RNF13: variants seen among roughly 807,000 people sequenced by gnomAD.
RNF13 encodes ring finger protein 13, also known as E3 ubiquitin-protein ligase RNF13.
Under a neutral mutation model 37.7 loss-of-function variants are expected in RNF13, and 19 were observed. That is an observed-to-expected ratio of 0.50 (90% CI 0.35 to 0.74). The LOEUF (loss-of-function observed/expected upper bound fraction) is 0.74, where lower values mean the gene tolerates loss of function less well. RNF13 is among the 30% of genes least tolerant of loss of function. RNF13 has a pLI of 0.01. For synonymous variants in RNF13, 144 were observed against 157.8 expected (o/e 0.91, Z 0.65); for missense variants, 375 against 453.0 (o/e 0.83, Z 1.56).
Position 149,846,153 on chromosome 3 carries a change from A to C in RNF13, c.114+13A>C, listed in dbSNP as rs753408862. On this transcript the variant is annotated intron_variant, in intron 2 of 9. Coordinates refer to ENST00000392894, the MANE Select transcript of RNF13 (RefSeq NM_183381.3). ...AGACATTTTAGCAGTAAGTACAGTA[A>C]AATTTATTCATGTCTAGAAACATCC... 2.7e-6 allele frequency: 4 copies of C among 1,498,656 alleles called. No individual in the cohort carries two copies. Among genetic ancestry groups the C allele is most frequent in the South Asian group, 1.1e-5 (1 of 87,394 alleles). The allele number at this position is 1,498,656 out of a possible 1,614,324, so 92.8% of individuals were successfully genotyped here. A position where few individuals can be genotyped will look rare whatever the true frequency, so the allele number is the denominator to read the frequency against.
chr3:149,954,359 A>G (rs1053363975), intron 8 of RNF13, among the ~76,000 whole-genome samples: 1 of 152,164 alleles, frequency 6.6e-6, no homozygotes, highest in African/African-American at 2.4e-5. Flanking sequence ...CTTAGAATGT[A>G]GTGAAAATGT....
At chr3:149,919,323 G>A (rs1001036079) in intron 7 of RNF13, among the ~76,000 whole-genome samples, 4 of 152,056 alleles carry the variant, frequency 2.6e-5, no homozygotes, top group African/African-American at 9.7e-5. Context: ...CCACAATCAA[G>A]ATAATGAAAT....
intron 6 of RNF13, among the ~76,000 whole-genome samples, chr3:149,910,396 G>GTA (rs1329044703): frequency 6.6e-6 from 1 of 152,160 alleles, no homozygotes; most frequent in Non-Finnish European, 1.5e-5. Context: ...AAAGCTACTT[G>GTA]TATTCTAGCA....
At chr3:149,847,848 T>TA (rs1257426795) in intron 2 of RNF13, among the ~76,000 whole-genome samples, 1 of 152,218 alleles carries the variant, frequency 6.6e-6, no homozygotes, top group Admixed American at 6.5e-5. Context: ...TTGTTTTTAA[T>TA]ACTTTTTGCC....
intron 8 of RNF13, among the ~76,000 whole-genome samples, chr3:149,927,181 C>T (rs1295286723): frequency 1.3e-5 from 2 of 152,202 alleles, no homozygotes; most frequent in African/African-American, 4.8e-5. Context: ...ATCCACCATT[C>T]TACTTACTGT....
intron 8 of RNF13, among the ~76,000 whole-genome samples, chr3:149,933,446 G>A (rs561922056): frequency 6.6e-6 from 1 of 152,072 alleles, no homozygotes; most frequent in Non-Finnish European, 1.5e-5. Context: ...AGTAGCTATT[G>A]TAAATGAGAT....
intron 1 of RNF13, among the ~76,000 whole-genome samples, chr3:149,837,291 G>A (rs1425724975): frequency 2.6e-5 from 4 of 152,120 alleles, no homozygotes; most frequent in African/African-American, 9.7e-5. Context: ...GAATCTCAAT[G>A]TAATCTTCAC....
At chr3:149,866,100 C>G (rs1724794492) in intron 3 of RNF13, among the ~76,000 whole-genome samples, 1 of 151,428 alleles carries the variant, frequency 6.6e-6, no homozygotes, top group Admixed American at 6.6e-5. Context: ...TATAAACTGT[C>G]ATGGCACTGG....
chr3:149,939,661 G>A lies in RNF13; in HGVS notation c.700+18434G>A, dbSNP rs1157588514. ...CTTTGCTCCAGTCCCTGAAATCACCGTTCTTAAAGATAACTGGTGCTCATT... is the reference window on the plus strand; with the variant it reads ...CTTTGCTCCAGTCCCTGAAATCACCATTCTTAAAGATAACTGGTGCTCATT... On this transcript the variant is annotated intron_variant, in intron 8 of 9. Coordinates refer to ENST00000392894, the MANE Select transcript of RNF13 (RefSeq NM_183381.3). 19 of 722,652 alleles carry A rather than the reference G, an allele frequency of 2.6e-5. 1 individual carries two copies. The highest frequency in any genetic ancestry group is 1.8e-4 in the Admixed American group (10 of 54,834). The allele number at this position is 722,652 out of a possible 1,614,324, so 44.8% of individuals were successfully genotyped here. A position where few individuals can be genotyped will look rare whatever the true frequency, so the allele number is the denominator to read the frequency against.
intron 1 of RNF13, among the ~76,000 whole-genome samples, chr3:149,833,452 C>A (rs557950725): frequency 6.6e-6 from 1 of 152,276 alleles, no homozygotes; most frequent in East Asian, 1.9e-4. Context: ...TCTTGGAATG[C>A]AAGGATGGTT....
intron 8 of RNF13, among the ~76,000 whole-genome samples, chr3:149,954,765 A>G (rs547945501): frequency 4.6e-5 from 7 of 152,314 alleles, no homozygotes; most frequent in African/African-American, 1.7e-4. Context: ...TCTAGCATAT[A>G]TAATATAGTA....
At chr3:149,958,453 T>C (rs1272304074) in intron 8 of RNF13, among the ~76,000 whole-genome samples, 2 of 152,196 alleles carry the variant, frequency 1.3e-5, no homozygotes, top group Non-Finnish European at 2.9e-5. Context: ...TGCTTCCTTC[T>C]TCCACTTTTC....
In RNF13 at chr3:149,961,527, G is replaced by A. The variant is rs1419044383; in HGVS notation, c.*423G>A. ...GAGTTGTTGAGTTGGAATATGTTCTGGCATTTACCTGACCTGCCAATCATT... is the reference window on the plus strand; with the variant it reads ...GAGTTGTTGAGTTGGAATATGTTCTAGCATTTACCTGACCTGCCAATCATT... On this transcript the variant is annotated 3_prime_UTR_variant, in exon 10 of 10. Transcript: ENST00000392894. 6.1e-6 allele frequency: 2 copies of A among 327,822 alleles called. No homozygotes were observed. Among genetic ancestry groups the A allele is most frequent in the African/African-American group, 4.4e-5 (2 of 45,220 alleles). The allele number at this position is 327,822 out of a possible 1,614,324, so 20.3% of individuals were successfully genotyped here.
chr3:149,958,636 G>A lies in RNF13; in HGVS notation c.701-1420G>A, dbSNP rs1300347994. Among the ~76,000 whole-genome samples, 6 of 152,144 alleles carry A rather than the reference G, an allele frequency of 3.9e-5. No homozygotes were observed. The East Asian group carries it at 1.2e-3, about 29-fold the overall frequency. On this transcript the variant is annotated intron_variant, in intron 8 of 9. Transcript: ENST00000392894. Reference sequence around the variant, plus strand: ...TTTCAAAAGGTGATGTGACTCAAAGGTTGATTTGTATGAGAAATCAGTCAT... The same window carrying A: ...TTTCAAAAGGTGATGTGACTCAAAGATTGATTTGTATGAGAAATCAGTCAT...
chr3:149,885,277 T>C (rs1168068366), intron 4 of RNF13, among the ~76,000 whole-genome samples: 2 of 152,056 alleles, frequency 1.3e-5, no homozygotes. Context: ...ATGGCAGCTC[T>C]ATTTTTAGTT....
chr3:149,906,778 A>T (rs1716455183), intron 6 of RNF13, among the ~76,000 whole-genome samples: 1 of 149,612 alleles, frequency 6.7e-6, no homozygotes, highest in Admixed American at 6.8e-5. Flanking sequence ...CAGCCTCCTG[A>T]GTAGCTAGGA....
intron 8 of RNF13, among the ~76,000 whole-genome samples, chr3:149,929,660 G>A (rs575035557): frequency 8.5e-5 from 13 of 152,130 alleles, no homozygotes; most frequent in South Asian, 2.1e-4. Context: ...GAGTATTTTA[G>A]TTGTGAGTTG....
chr3:149,939,037 C>CA, intron 8 of RNF13: 1 of 486,838 alleles, frequency 2.1e-6, no homozygotes. Context: ...ACCTCCTGGT[C>CA]AGTCATCCGG....
intron 4 of RNF13, 48 bp from the exon 5 acceptor site, chr3:149,895,425 A>G (rs1249573176): frequency 2.6e-6 from 3 of 1,141,644 alleles, no homozygotes; most frequent in Admixed American, 2.1e-5. Flanking sequence ...AAGACAAACC[A>G]CTGTCTTCCT....
Sources: allele counts gnomAD v4.1 joint callset (sites outside exome capture counted in the v4.1 genomes callset), GRCh38; gene constraint gnomAD v4.1.1; transcripts MANE v1.5; gene names NCBI Gene and HGNC (gene_info 2026-07-23, HGNC 2026-07-21).